The following ARHGEF12 variants were observed in gnomAD, a reference collection of about 807,000 sequenced individuals.
ARHGEF12 encodes KMT2A/ARHGEF12 fusion protein.
A neutral mutation model predicts 211.2 loss-of-function variants in ARHGEF12; 66 were observed. That is an observed-to-expected ratio of 0.31 (90% CI 0.26 to 0.38). The LOEUF (loss-of-function observed/expected upper bound fraction) is 0.38, where lower values mean the gene tolerates loss of function less well. Ranked by LOEUF, ARHGEF12 falls within the 10% of genes least tolerant of loss-of-function variation. The pLI is 1.00. For synonymous variants in ARHGEF12, 592 were observed against 638.4 expected (o/e 0.93, Z 1.09); for missense variants, 1,429 against 1,869.5 (o/e 0.76, Z 4.34).
chr11:120,340,698 T>C (rs751520575), intron 1 of ARHGEF12, among the ~76,000 whole-genome samples: 4 of 152,208 alleles, frequency 2.6e-5, no homozygotes, highest in Non-Finnish European at 5.9e-5. Context: ...AACCTTTTCT[T>C]GTAAAGTCAG....
chr11:120,354,369 C>G (rs1230751418), intron 1 of ARHGEF12, among the ~76,000 whole-genome samples: 4 of 152,192 alleles, frequency 2.6e-5, no homozygotes, highest in Admixed American at 2.0e-4. Flanking sequence ...TTTCAGTCTT[C>G]TCACTGGCCA....
intron 34 of ARHGEF12, 99 bp from the exon 35 acceptor site, chr11:120,477,120 G>GTT: frequency 9.2e-6 from 7 of 757,436 alleles, no homozygotes; most frequent in Non-Finnish European, 1.3e-5. Context: ...TGTTGTTGTT[G>GTT]GTTGATTTGG....
intron 37 of ARHGEF12, 52 bp from the exon 38 acceptor site, chr11:120,479,908 A>C: frequency 6.9e-7 from 1 of 1,454,992 alleles, no homozygotes; most frequent in Non-Finnish European, 9.4e-7. Context: ...TTGCAGCCTG[A>C]GGTTATAGTT....
At chr11:120,385,838 C>G (rs1201892303) in intron 1 of ARHGEF12, among the ~76,000 whole-genome samples, 1 of 152,122 alleles carries the variant, frequency 6.6e-6, no homozygotes, top group Non-Finnish European at 1.5e-5. Context: ...GGCATAACCT[C>G]TCTTGAATCT....
At position 120,343,206 on chromosome 11, in the gene ARHGEF12, C is replaced by G. The variant is rs1942588948; in HGVS notation, c.32+5931C>G. The stretch of plus-strand genomic sequence containing the variant: ...TTATAAAATCTGTAAGACTGTAGAC[C>G]TTTTGAATACTTTATTAGCATATTT... On this transcript the variant is annotated intron_variant, in intron 1 of 40. Coordinates refer to ENST00000397843, the MANE Select transcript of ARHGEF12 (RefSeq NM_015313.3). Among the ~76,000 whole-genome samples, 3 of 152,080 alleles carry G rather than the reference C, an allele frequency of 2.0e-5. No individual in the cohort carries two copies. The South Asian group carries it at 6.2e-4, about 31-fold the overall frequency.
rs1452749988 is a variant in ARHGEF12 at position 120,421,438 on chromosome 11, T to G, written c.299-365T>G. 7.6e-5 allele frequency among the ~76,000 whole-genome samples: 8 copies of G among 105,224 alleles called. No homozygotes were observed. In the South Asian group the frequency reaches 1.0e-3, roughly 14 times the overall value. The allele number at this position is 105,224 out of a possible 152,430, so 69.0% of individuals were successfully genotyped here. A position where few individuals can be genotyped will look rare whatever the true frequency, so the allele number is the denominator to read the frequency against. On this transcript the variant is annotated intron_variant, in intron 5 of 40. Transcript: ENST00000397843. ...CTGACTTTACAGCCTTGTTTTTTTT[T>G]TTTGTTTTTTTTTTTTTGGAGATGG...
intron 1 of ARHGEF12, among the ~76,000 whole-genome samples, chr11:120,382,586 T>C (rs1253298754): frequency 6.6e-6 from 1 of 152,266 alleles, no homozygotes; most frequent in Non-Finnish European, 1.5e-5. Context: ...AGTAATTTTC[T>C]GGAGTGATTG....
chr11:120,485,528 T>C lies in ARHGEF12; in HGVS notation c.*451T>C, dbSNP rs901481742. On this transcript the variant is annotated 3_prime_UTR_variant, in exon 41 of 41. Transcript: ENST00000397843. ...CCTTTGTCTTTAGTACACCCAAGGATCAACTGCTCCTGAAGCAAAGAGGTC... is the reference window on the plus strand; with the variant it reads ...CCTTTGTCTTTAGTACACCCAAGGACCAACTGCTCCTGAAGCAAAGAGGTC... 1.3e-5 allele frequency: 3 copies of C among 239,428 alleles called. No individual in the cohort carries two copies. In the Admixed American group the frequency reaches 1.7e-4, roughly 13 times the overall value. 14.8% of individuals were successfully genotyped at this position (239,428 alleles called of 1,614,324 possible). A position where few individuals can be genotyped will look rare whatever the true frequency, so the allele number is the denominator to read the frequency against.
Position 120,447,870 on chromosome 11 carries a change from TA to T in ARHGEF12, c.1590-2del. On this transcript the variant is annotated splice_region_variant and splice_polypyrimidine_tract_variant and intron_variant, in intron 18 of 40. Coordinates refer to ENST00000397843, the MANE Select transcript of ARHGEF12 (RefSeq NM_015313.3). Reference sequence around the variant, plus strand: ...TTTTTAAATTTTTTTTTCTTTTTTTTAAGGATGACTGCTCAGGCTGTAGAGG... The same window carrying T: ...TTTTTAAATTTTTTTTTCTTTTTTTTAGGATGACTGCTCAGGCTGTAGAGG... The T allele has an allele frequency of 6.4e-7, 1 of 1,560,352 alleles. No individual in the cohort carries two copies. Among genetic ancestry groups the T allele is most frequent in the Non-Finnish European group, 8.6e-7 (1 of 1,157,498 alleles).
chr11:120,442,047 A>G, intron 14 of ARHGEF12, 57 bp from the exon 15 acceptor site: 1 of 1,309,172 alleles, frequency 7.6e-7, no homozygotes, highest in Non-Finnish European at 1.1e-6. Flanking sequence ...GTGACCTAGC[A>G]AATTACATTT....
chr11:120,347,266 CTGTCTGTGTG>C lies in ARHGEF12; in HGVS notation c.32+9995_32+10004del, dbSNP rs1372434472. 5.7e-3 allele frequency among the ~76,000 whole-genome samples: 768 copies of C among 133,594 alleles called. 11 individuals carry two copies. The highest frequency in any genetic ancestry group is 9.0e-3 in the Admixed American group (112 of 12,454). The allele number at this position is 133,594 out of a possible 152,430, so 87.6% of individuals were successfully genotyped here. On this transcript the variant is annotated intron_variant, in intron 1 of 40. Coordinates refer to ENST00000397843, the MANE Select transcript of ARHGEF12 (RefSeq NM_015313.3). ...TCTGTTTCTCTCTCTCTCTCTCTCT[CTGTCTGTGTG>C]TGTGTGTGTGTGTGTGTGTGTGTGT...
chr11:120,395,050 C>A (rs1425665029), intron 1 of ARHGEF12, among the ~76,000 whole-genome samples: 1 of 107,086 alleles, frequency 9.3e-6, no homozygotes, highest in South Asian at 3.3e-4. Flanking sequence ...GAGCAAGACT[C>A]TATCTCAAAA....
At chr11:120,409,363 A>C (rs758900159) in intron 3 of ARHGEF12, 31 bp from the exon 4 acceptor site, 3 of 1,610,574 alleles carry the variant, frequency 1.9e-6, no homozygotes, top group Admixed American at 1.7e-5. Context: ...TATTTTCTAT[A>C]TCTCTCTCCT....
At chr11:120,381,944 C>T (rs1467009430) in intron 1 of ARHGEF12, among the ~76,000 whole-genome samples, 1 of 152,020 alleles carries the variant, frequency 6.6e-6, no homozygotes, top group Non-Finnish European at 1.5e-5. Flanking sequence ...ATGAAAAATC[C>T]AAAGATTGTA....
At position 120,337,017 on chromosome 11, in the gene ARHGEF12, T is replaced by C. The variant is rs1942370178; in HGVS notation, c.-227T>C. 2 of 605,632 alleles carry C rather than the reference T, an allele frequency of 3.3e-6. No individual in the cohort carries two copies. The highest frequency in any genetic ancestry group is 2.9e-5 in the Admixed American group (1 of 34,848). 37.5% of individuals were successfully genotyped at this position (605,632 alleles called of 1,614,324 possible). A position where few individuals can be genotyped will look rare whatever the true frequency, so the allele number is the denominator to read the frequency against. On this transcript the variant is annotated 5_prime_UTR_variant, in exon 1 of 41. Transcript: ENST00000397843. ...CTAGCTCGACTCACTCTGGACTGAC[T>C]CGCTCCCTGGCTTTCTCAGTTCGTT...
intron 1 of ARHGEF12, among the ~76,000 whole-genome samples, chr11:120,395,875 T>C (rs1022985917): frequency 7.9e-5 from 12 of 152,082 alleles, no homozygotes; most frequent in African/African-American, 2.9e-4. Context: ...CCATATCATG[T>C]GTATGTATAC....
intron 1 of ARHGEF12, among the ~76,000 whole-genome samples, chr11:120,342,407 G>A (rs1424674200): frequency 6.6e-6 from 1 of 152,198 alleles, no homozygotes; most frequent in South Asian, 2.1e-4. Flanking sequence ...TGTACTTGCT[G>A]TACCAGGCTA....
Position 120,485,090 on chromosome 11 carries a change from T to G in ARHGEF12, c.*13T>G. 1 of 1,613,582 alleles carries G rather than the reference T, an allele frequency of 6.2e-7. No individual in the cohort carries two copies. The highest frequency in any genetic ancestry group is 1.1e-5 in the South Asian group (1 of 91,024). On this transcript the variant is annotated 3_prime_UTR_variant, in exon 41 of 41. Transcript: ENST00000397843. Reference sequence around the variant, plus strand: ...AGATAAAAGTTAGAGCCGCATGTCCTGGAGGTGACTGCAGGTTGTTGGATT... The same window carrying G: ...AGATAAAAGTTAGAGCCGCATGTCCGGGAGGTGACTGCAGGTTGTTGGATT...
At chr11:120,461,222 C>G (rs1444343157) in intron 27 of ARHGEF12, among the ~76,000 whole-genome samples, 2 of 152,096 alleles carry the variant, frequency 1.3e-5, no homozygotes, top group Non-Finnish European at 2.9e-5. Context: ...GAGGAATCAC[C>G]TTATGAAATA....
Sources: gnomAD v4.1 joint callset for allele counts (sites outside exome capture counted in the v4.1 genomes callset) on GRCh38, gnomAD v4.1.1 for gene constraint, MANE v1.5 for transcripts, NCBI Gene and HGNC (gene_info 2026-07-23, HGNC 2026-07-21) for gene names.